ANKS1B: variants seen among roughly 807,000 people sequenced by gnomAD.
ANKS1B encodes the protein ankyrin repeat and sterile alpha motif domain containing 1B.
A neutral mutation model predicts 148.3 loss-of-function variants in ANKS1B; 36 were observed. The observed-to-expected ratio is 0.24, with a 90% confidence interval of 0.19 to 0.32. The LOEUF is 0.32. ANKS1B is among the 10% of genes least tolerant of loss of function. The pLI, the probability that ANKS1B is intolerant of heterozygous loss-of-function variation, is 1.00. For missense variants in ANKS1B, 1,157 were observed against 1,542.6 expected (o/e 0.75, Z 4.19); for synonymous variants, 542 against 560.8 (o/e 0.97, Z 0.47).
intron 17 of ANKS1B, among the ~76,000 whole-genome samples, chr12:98,950,929 C>T (rs1177434644): frequency 6.6e-6 from 1 of 152,078 alleles, no homozygotes; most frequent in Admixed American, 6.6e-5. Context: ...TCTGTGTGTT[C>T]CTTCTAATAG....
chr12:99,221,051 G>T (rs964295659), intron 14 of ANKS1B, among the ~76,000 whole-genome samples: 1 of 152,218 alleles, frequency 6.6e-6, no homozygotes, highest in East Asian at 1.9e-4. Context: ...TTAAAAATTT[G>T]CATGGTGGCC....
At chr12:98,826,360 G>A (rs1784345726) in intron 19 of ANKS1B, among the ~76,000 whole-genome samples, 1 of 151,904 alleles carries the variant, frequency 6.6e-6, no homozygotes, top group Non-Finnish European at 1.5e-5. Context: ...TTAAATATCT[G>A]CCAACAAATT....
In ANKS1B at chr12:99,763,049, TGTC is replaced by T. The variant is rs1567801399; in HGVS notation, c.1128+9870_1128+9872del. Among the ~76,000 whole-genome samples the T allele has an allele frequency of 2.0e-5, 3 of 152,256 alleles. No homozygotes were observed. The East Asian group carries it at 5.8e-4, about 29-fold the overall frequency. ...ATCGCTTAAACACTATTTGTGGGAA[TGTC>T]AGTTAATTCAGCTACTATAGAAATA... On this transcript the variant is annotated intron_variant, in intron 8 of 26. Transcript: ENST00000683438.
chr12:99,782,666 C>T (rs1182345500), intron 4 of ANKS1B, among the ~76,000 whole-genome samples: 1 of 152,194 alleles, frequency 6.6e-6, no homozygotes, highest in Non-Finnish European at 1.5e-5. Flanking sequence ...GCCCACCTCA[C>T]AAGGCTTTTG....
chr12:98,950,100 A>C (rs2099851775), intron 17 of ANKS1B, among the ~76,000 whole-genome samples: 1 of 152,244 alleles, frequency 6.6e-6, no homozygotes, highest in Non-Finnish European at 1.5e-5. Context: ...AAGTGAAAGA[A>C]GTCAGTGAAG....
At chr12:99,901,492 C>T (rs1029860628) in intron 1 of ANKS1B, among the ~76,000 whole-genome samples, 3 of 152,082 alleles carry the variant, frequency 2.0e-5, no homozygotes, top group Non-Finnish European at 4.4e-5. Context: ...CATGTGTAGG[C>T]TCTCTGCACA....
intron 10 of ANKS1B, among the ~76,000 whole-genome samples, chr12:99,460,746 G>T (rs1482743723): frequency 6.7e-6 from 1 of 149,874 alleles, no homozygotes; most frequent in Non-Finnish European, 1.5e-5. Context: ...AAAAAAAAAT[G>T]GATGTTAACA....
At chr12:99,313,961 A>G (rs1300805694) in intron 12 of ANKS1B, among the ~76,000 whole-genome samples, 1 of 152,218 alleles carries the variant, frequency 6.6e-6, no homozygotes, top group Non-Finnish European at 1.5e-5. Context: ...TCAAATAGGA[A>G]GAGAGGAAGT....
chr12:99,754,942 T>C (rs2061431083), intron 8 of ANKS1B, among the ~76,000 whole-genome samples: 1 of 151,622 alleles, frequency 6.6e-6, no homozygotes, highest in Non-Finnish European at 1.5e-5. Flanking sequence ...AAAAGAACTA[T>C]ACAACCAAGA....
intron 17 of ANKS1B, among the ~76,000 whole-genome samples, chr12:98,866,161 C>G (rs1036247507): frequency 3.3e-5 from 5 of 151,946 alleles, no homozygotes; most frequent in African/African-American, 1.2e-4. Context: ...AAAGCAAGGC[C>G]CTAAAGAGGG....
chr12:99,029,176 T>C (rs929547212), intron 17 of ANKS1B, among the ~76,000 whole-genome samples: 2 of 152,214 alleles, frequency 1.3e-5, no homozygotes, highest in African/African-American at 4.8e-5. Flanking sequence ...GTAATGATAC[T>C]AAAAATGACA....
intron 9 of ANKS1B, among the ~76,000 whole-genome samples, chr12:99,519,546 T>A (rs748470392): frequency 6.6e-6 from 1 of 152,176 alleles, no homozygotes; most frequent in Non-Finnish European, 1.5e-5. Context: ...TAGCTATTCC[T>A]ATTCTTTTTT....
chr12:99,299,171 C>T (rs1290266982), intron 12 of ANKS1B, among the ~76,000 whole-genome samples: 4 of 152,086 alleles, frequency 2.6e-5, no homozygotes, highest in Non-Finnish European at 1.5e-5. Flanking sequence ...AGTAATCCTC[C>T]CACTTCAGCC....
At chr12:99,612,484 C>A (rs767652935) in intron 9 of ANKS1B, among the ~76,000 whole-genome samples, 6 of 152,028 alleles carry the variant, frequency 3.9e-5, no homozygotes, top group Non-Finnish European at 7.4e-5. Flanking sequence ...AAGTAACTTG[C>A]CAAAGGTCAC....
intron 12 of ANKS1B, among the ~76,000 whole-genome samples, chr12:99,282,315 A>G (rs1465962519): frequency 6.6e-6 from 1 of 152,180 alleles, no homozygotes; most frequent in Non-Finnish European, 1.5e-5. Flanking sequence ...TGGCTGGAGC[A>G]AAGTGGGCAA....
intron 12 of ANKS1B, among the ~76,000 whole-genome samples, chr12:99,294,172 A>G (rs920637778): frequency 6.6e-6 from 1 of 152,224 alleles, no homozygotes; most frequent in African/African-American, 2.4e-5. Context: ...TCCCAGTGCT[A>G]GTTATATACC....
intron 17 of ANKS1B, among the ~76,000 whole-genome samples, chr12:98,879,011 C>T (rs916613366): frequency 3.9e-5 from 6 of 152,184 alleles, no homozygotes; most frequent in Admixed American, 3.9e-4. Context: ...GTGATTGGCG[C>T]CTTCTGGAGT....
At chr12:99,109,511 C>A (rs2059870446) in intron 15 of ANKS1B, among the ~76,000 whole-genome samples, 1 of 152,132 alleles carries the variant, frequency 6.6e-6, no homozygotes, top group Non-Finnish European at 1.5e-5. Context: ...TTCTTGGATT[C>A]TTCATCTGTA....
At chr12:99,355,353 A>T (rs925256335) in intron 12 of ANKS1B, among the ~76,000 whole-genome samples, 2 of 152,122 alleles carry the variant, frequency 1.3e-5, no homozygotes, top group Non-Finnish European at 2.9e-5. Context: ...ATTACTTCAG[A>T]TCTGCAATTT....
Sources: gnomAD v4.1 joint callset for allele counts (sites outside exome capture counted in the v4.1 genomes callset) on GRCh38, gnomAD v4.1.1 for gene constraint, MANE v1.5 for transcripts, NCBI Gene and HGNC (gene_info 2026-07-23, HGNC 2026-07-21) for gene names.